The following ZFP62 variants were observed in gnomAD, a reference collection of about 807,000 sequenced individuals.
ZFP62 encodes ZFP62 zinc finger protein.
A neutral mutation model predicts 56.4 loss-of-function variants in ZFP62; 44 were observed. The ratio of observed to expected loss-of-function variants is 0.78; its 90% CI spans 0.61 to 1.00. ZFP62 has a LOEUF of 1.00. ZFP62 is among the 50% of genes least tolerant of loss of function. The pLI is 0.00. For missense variants in ZFP62, 1,030 were observed against 1,085.7 expected (o/e 0.95, Z 0.72); for synonymous variants, 421 against 388.9 (o/e 1.08, Z -0.97).
In ZFP62 at chr5:180,850,595, T is replaced by G; in HGVS notation, c.900A>C (p.Lys300Asn). Residue 300 changes from lysine to asparagine, a missense_variant, in exon 2 of 2, where the codon AAA becomes AAC. Coordinates refer to ENST00000502412, the MANE Select transcript of ZFP62 (RefSeq NM_001172638.2). ...AAGGTTTCTCACCTGTGTGGATCCT[T>G]TTATGGACCCTAAGGCCAGAGCTGT... ...FSNSSGLRVH[K>N]RIHTGEKPYE... 1 of 1,562,958 alleles carries G rather than the reference T, an allele frequency of 6.4e-7. No homozygotes were observed. Among genetic ancestry groups the G allele is most frequent in the Non-Finnish European group, 8.7e-7 (1 of 1,153,702 alleles).
Position 180,847,971 on chromosome 5 carries a change from T to A in ZFP62, c.*821A>T. On this transcript the variant is annotated 3_prime_UTR_variant, in exon 2 of 2. Transcript: ENST00000502412. ...GGTGTGTTCCATTAGTTACTGAATG[T>A]GTCAAAATCCTCTCCACGGTAGAAC... 1.0e-5 allele frequency: 10 copies of A among 985,462 alleles called. No individual in the cohort carries two copies. Among genetic ancestry groups the A allele is most frequent in the Non-Finnish European group, 1.1e-5 (9 of 829,928 alleles). 61.0% of individuals were successfully genotyped at this position (985,462 alleles called of 1,614,324 possible).
At chr5:180,827,595 G>T in the ZFP62 span, among the ~76,000 whole-genome samples, 1 of 152,204 alleles carries the variant, frequency 6.6e-6, no homozygotes, top group Non-Finnish European at 1.5e-5. Flanking sequence ...GGAAAGCCAG[G>T]TATTGTCCAA....
chr5:180,827,830 A>G, the ZFP62 span, among the ~76,000 whole-genome samples: 1 of 152,262 alleles, frequency 6.6e-6, no homozygotes, highest in East Asian at 1.9e-4. Context: ...CTACTGAGAT[A>G]GGGAAAAACC....
chr5:180,850,557 T>A lies in ZFP62; in HGVS notation c.938A>T (p.Glu313Val). ...ACAAGTAATGAAGGCCTTCCCACAC[T>A]CATCACATTCGTAAGGTTTCTCACC... ...HTGEKPYECD[E>V]CGKAFITCRT... Residue 313 changes from glutamate to valine, a missense_variant, in exon 2 of 2, where the codon GAG becomes GTG. Transcript: ENST00000502412. The A allele has an allele frequency of 6.4e-7, 1 of 1,557,072 alleles. No homozygotes were observed. The highest frequency in any genetic ancestry group is 1.7e-4 in the Middle Eastern group (1 of 5,998).
chr5:180,855,256 G>A (rs1773908617), intron 1 of ZFP62, among the ~76,000 whole-genome samples: 1 of 152,200 alleles, frequency 6.6e-6, no homozygotes, highest in Non-Finnish European at 1.5e-5. Flanking sequence ...CTGTGCATTT[G>A]AAGTTATTAC....
intron 1 of ZFP62, among the ~76,000 whole-genome samples, chr5:180,856,435 G>A (rs1182231741): frequency 3.3e-5 from 5 of 152,154 alleles, no homozygotes; most frequent in African/African-American, 1.2e-4. Flanking sequence ...TAACACATAA[G>A]GATAATTAAG....
intron 1 of ZFP62, among the ~76,000 whole-genome samples, chr5:180,859,615 G>A (rs1347192881): frequency 6.6e-6 from 1 of 152,186 alleles, no homozygotes; most frequent in Non-Finnish European, 1.5e-5. Flanking sequence ...TGTCGTAGGG[G>A]AGGAGGTGAG....
the ZFP62 span, chr5:180,831,087 G>C: frequency 2.0e-5 from 3 of 152,416 alleles, no homozygotes; most frequent in Non-Finnish European, 2.9e-5. Flanking sequence ...CCCTAGAAAC[G>C]TGGCTTTGGG....
chr5:180,829,591 A>G, the ZFP62 span, among the ~76,000 whole-genome samples: 5,069 of 152,308 alleles, frequency 0.033, 86 homozygotes, highest in South Asian at 0.068. Context: ...GGTTCCCCCG[A>G]TATCTGGCCC....
Position 180,849,229 on chromosome 5 carries a change from G to T in ZFP62, c.2266C>A (p.Pro756Thr), listed in dbSNP as rs773956421. 1.2e-5 allele frequency: 18 copies of T among 1,558,956 alleles called. No individual in the cohort carries two copies. The highest frequency in any genetic ancestry group is 2.7e-5 in the African/African-American group (2 of 73,182). Residue 756 changes from proline (P) to threonine (T), a missense_variant, in exon 2 of 2, where the codon CCC (proline) becomes ACC (threonine). By Grantham distance (38) the Pro-to-Thr change is conservative (BLOSUM62 -1). Transcript: ENST00000502412. ...TTCCCACACCTATCACACACATAGG[G>T]TTTCTCCCCTGTGTGGATCCTCTTG... The part of the protein sequence containing the change: ...QHKRIHTGEK[P>T]YVCDRCGKAF...
At chr5:180,840,787 ATT>A in the ZFP62 span, among the ~76,000 whole-genome samples, 2 of 62,612 alleles carry the variant, frequency 3.2e-5, no homozygotes, top group South Asian at 1.4e-3. Context: ...AGCTAAAACA[ATT>A]TGTGTGTGTG....
chr5:180,858,090 TA>T (rs35177299), intron 1 of ZFP62, among the ~76,000 whole-genome samples: 160 of 127,710 alleles, frequency 1.3e-3, no homozygotes, highest in Middle Eastern at 4.2e-3. Flanking sequence ...CCATCTCTAC[TA>T]AAAAAAAAAA....
chr5:180,831,125 C>G, the ZFP62 span: 1 of 152,978 alleles, frequency 6.5e-6, no homozygotes. Context: ...CTGTGGAAGT[C>G]TCTCCTCGCG....
chr5:180,858,834 G>A (rs887397173), intron 1 of ZFP62, among the ~76,000 whole-genome samples: 2 of 152,174 alleles, frequency 1.3e-5, no homozygotes, highest in African/African-American at 4.8e-5. Context: ...TCTAAAGGCT[G>A]AATGGACAAG....
chr5:180,857,318 G>A (rs1774039385), intron 1 of ZFP62, among the ~76,000 whole-genome samples: 1 of 84,296 alleles, frequency 1.2e-5, no homozygotes, highest in African/African-American at 2.9e-5. Context: ...CAGAACTGCT[G>A]AGTACTATTT....
chr5:180,840,741 C>G, the ZFP62 span, among the ~76,000 whole-genome samples: 1 of 150,878 alleles, frequency 6.6e-6, no homozygotes, highest in Non-Finnish European at 1.5e-5. Flanking sequence ...GCCTGGGCGA[C>G]AGAGCGAGAA....
At chr5:180,847,599 A>T, downstream of ZFP62, 6 of 985,256 alleles carry the variant, frequency 6.1e-6, no homozygotes, top group Non-Finnish European at 7.2e-6. Context: ...CTCCATCTAA[A>T]CTCACAGCCC....
At chr5:180,845,631 T>C (rs1354783524), downstream of ZFP62, 17 of 813,024 alleles carry the variant, frequency 2.1e-5, no homozygotes, top group Non-Finnish European at 2.5e-5. Flanking sequence ...TCTAGGCCTT[T>C]AGCTGAAGCT....
intron 1 of ZFP62, among the ~76,000 whole-genome samples, chr5:180,855,983 C>T (rs1049001106): frequency 2.0e-5 from 3 of 152,362 alleles, no homozygotes; most frequent in Middle Eastern, 3.4e-3. Flanking sequence ...TCAACCCTCA[C>T]TGCCACTCCA....
Sources: gnomAD v4.1 joint callset for allele counts (sites outside exome capture counted in the v4.1 genomes callset) on GRCh38, gnomAD v4.1.1 for gene constraint, MANE v1.5 for transcripts, NCBI Gene and HGNC (gene_info 2026-07-23, HGNC 2026-07-21) for gene names.